Variants in HACE1 observed in about 807,000 individuals in gnomAD.
HACE1 encodes E3 ubiquitin-protein ligase HACE1.
A neutral mutation model predicts 118.4 loss-of-function variants in HACE1; 73 were observed. That is an observed-to-expected ratio of 0.62 (90% confidence interval 0.51 to 0.75). The LOEUF is 0.75. Ranked by LOEUF, HACE1 falls within the 30% of genes least tolerant of loss-of-function variation. The probability of loss-of-function intolerance (pLI) is 0.00; values close to 1 mark genes in which losing one functional copy is unlikely to be tolerated. For synonymous variants in HACE1, 368 were observed against 374.8 expected (o/e 0.98, Z 0.21); for missense variants, 749 against 1,102.2 (o/e 0.68, Z 4.54).
At chr6:104,804,073 GACAA>G (rs1262491165) in intron 7 of HACE1, among the ~76,000 whole-genome samples, 6 of 152,072 alleles carry the variant, frequency 3.9e-5, no homozygotes, top group African/African-American at 9.7e-5. Flanking sequence ...ACCAATAACA[GACAA>G]ACAGAGAGCC....
At chr6:104,751,986 A>G (rs1477370139) in intron 19 of HACE1, among the ~76,000 whole-genome samples, 1 of 151,606 alleles carries the variant, frequency 6.6e-6, no homozygotes, top group African/African-American at 2.4e-5. Flanking sequence ...AAAAAGACCA[A>G]AAAAAGGCAC....
At chr6:104,757,024 G>C (rs1371281854) in intron 19 of HACE1, among the ~76,000 whole-genome samples, 1 of 152,150 alleles carries the variant, frequency 6.6e-6, no homozygotes, top group Non-Finnish European at 1.5e-5. Context: ...GCTTGAGTAG[G>C]AGGTTCTCTG....
chr6:104,856,512 G>A (rs1776732927), intron 1 of HACE1, among the ~76,000 whole-genome samples: 1 of 151,628 alleles, frequency 6.6e-6, no homozygotes, highest in Non-Finnish European at 1.5e-5. Context: ...TTGGCTCACT[G>A]CAACCTCCGC....
At chr6:104,859,534 C>T in intron 1 of HACE1, 33 bp downstream of exon 1, 2 of 1,481,152 alleles carry the variant, frequency 1.4e-6, no homozygotes, top group Non-Finnish European at 1.8e-6. Flanking sequence ...GCCCCCAGCC[C>T]CGCGGCCAGC....
chr6:104,732,402 G>T (rs896673851), intron 22 of HACE1: 1 of 152,154 alleles, frequency 6.6e-6, no homozygotes, highest in African/African-American at 2.4e-5. Context: ...CTACAAAATG[G>T]ATGAATCTAG....
At chr6:104,730,218 C>A in intron 23 of HACE1, 85 bp downstream of exon 23, 1 of 768,994 alleles carries the variant, frequency 1.3e-6, no homozygotes. Context: ...GGTTTTCCTC[C>A]CAATGCAGCA....
At chr6:104,773,770 T>TAAA (rs200294864) in intron 17 of HACE1, among the ~76,000 whole-genome samples, 1 of 141,852 alleles carries the variant, frequency 7.0e-6, no homozygotes, top group African/African-American at 2.7e-5. Context: ...GGAGACTTTT[T>TAAA]TAAAAAAAAA....
intron 10 of HACE1, among the ~76,000 whole-genome samples, chr6:104,794,934 G>A (rs1783454899): frequency 6.6e-6 from 1 of 151,950 alleles, no homozygotes; most frequent in Non-Finnish European, 1.5e-5. Flanking sequence ...ATGTGTGTGT[G>A]TGTGTGTATA....
At chr6:104,804,283 T>C (rs1275657379) in intron 7 of HACE1, among the ~76,000 whole-genome samples, 3 of 152,158 alleles carry the variant, frequency 2.0e-5, no homozygotes, top group Non-Finnish European at 1.5e-5. Flanking sequence ...AAAATGGCCA[T>C]ACTGCCCAAG....
intron 1 of HACE1, 38 bp from the exon 2 acceptor site, chr6:104,852,409 C>T (rs766510710): frequency 5.6e-6 from 7 of 1,240,514 alleles, no homozygotes; most frequent in Non-Finnish European, 7.1e-6. Context: ...TTATCCCCTA[C>T]TTTGTGCAAG....
chr6:104,807,114 T>C (rs1771096311), intron 7 of HACE1, among the ~76,000 whole-genome samples: 1 of 151,638 alleles, frequency 6.6e-6, no homozygotes. Flanking sequence ...ACCTCCGCCT[T>C]TCAGATTCAA....
intron 7 of HACE1, among the ~76,000 whole-genome samples, chr6:104,805,807 A>T (rs769469454): frequency 2.0e-5 from 3 of 152,144 alleles, no homozygotes; most frequent in Non-Finnish European, 4.4e-5. Flanking sequence ...ATACCTATGT[A>T]ACAAACCCGC....
intron 17 of HACE1, among the ~76,000 whole-genome samples, chr6:104,775,532 G>C (rs1781141191): frequency 6.6e-6 from 1 of 152,122 alleles, no homozygotes; most frequent in Admixed American, 6.6e-5. Flanking sequence ...TTAGAATAAA[G>C]GATATAAAGA....
intron 7 of HACE1, among the ~76,000 whole-genome samples, chr6:104,804,752 A>C (rs568673376): frequency 6.6e-6 from 1 of 152,262 alleles, no homozygotes; most frequent in East Asian, 1.9e-4. Context: ...AGCCATAAAA[A>C]CCCTAGAAGA....
rs1582789823 is a variant in HACE1 at position 104,852,383 on chromosome 6, AAAAC to A, written c.77-16_77-13del. The A allele has an allele frequency of 6.9e-7, 1 of 1,441,646 alleles. No individual in the cohort carries two copies. Among genetic ancestry groups the A allele is most frequent in the Non-Finnish European group, 9.5e-7 (1 of 1,050,258 alleles). 89.3% of individuals were successfully genotyped at this position (1,441,646 alleles called of 1,614,324 possible). On this transcript the variant is annotated splice_polypyrimidine_tract_variant and intron_variant, in intron 1 of 23. Transcript: ENST00000262903. ...AGCAGTTTCATTATCTGAGTAAAAA[AAAAC>A]AAAGAGTTCATTTATCCCCTACTTT...
intron 19 of HACE1, among the ~76,000 whole-genome samples, chr6:104,765,856 A>T (rs1779946300): frequency 6.6e-6 from 1 of 152,152 alleles, no homozygotes; most frequent in Non-Finnish European, 1.5e-5. Flanking sequence ...TTGGCACAGA[A>T]CGTCAACAGT....
chr6:104,731,641 G>A (rs985740418), intron 22 of HACE1: 1 of 152,100 alleles, frequency 6.6e-6, no homozygotes, highest in East Asian at 1.9e-4. Context: ...AACGAAGTGT[G>A]TTGGGAAAAC....
chr6:104,807,571 C>T (rs1771150622), intron 7 of HACE1, among the ~76,000 whole-genome samples: 1 of 152,158 alleles, frequency 6.6e-6, no homozygotes, highest in South Asian at 2.1e-4. Flanking sequence ...ACATCCCAAC[C>T]TTTATTTGAA....
At chr6:104,807,686 G>T (rs566100959) in intron 7 of HACE1, among the ~76,000 whole-genome samples, 62 of 152,136 alleles carry the variant, frequency 4.1e-4, no homozygotes, top group Non-Finnish European at 7.6e-4. Flanking sequence ...ACTTAAAGGT[G>T]TGTAAAGATG....
Sources: allele counts gnomAD v4.1 joint callset (sites outside exome capture counted in the v4.1 genomes callset), GRCh38; gene constraint gnomAD v4.1.1; transcripts MANE v1.5; gene names NCBI Gene and HGNC (gene_info 2026-07-23, HGNC 2026-07-21).